The following CNBD1 variants were observed in gnomAD, a reference collection of about 807,000 sequenced individuals.
CNBD1 encodes cyclic nucleotide-binding domain-containing protein 1.
Under a neutral mutation model 54.4 loss-of-function variants are expected in CNBD1, and 71 were observed. The observed-to-expected ratio is 1.30, with a 90% CI of 1.08 to 1.59. CNBD1 has a LOEUF of 1.59. Among genes scored for constraint, CNBD1 ranks in the 40% most tolerant of loss-of-function variants. CNBD1 has a pLI of 0.00. For missense variants in CNBD1, 659 were observed against 518.0 expected, an observed-to-expected ratio of 1.27 and a Z score of -2.64; for synonymous variants, 182 against 170.7, an observed-to-expected ratio of 1.07 and a Z score of -0.51.
At chr8:87,350,943 A>C (rs1406512150) in intron 8 of CNBD1, among the ~76,000 whole-genome samples, 1 of 152,170 alleles carries the variant, frequency 6.6e-6, no homozygotes, top group Non-Finnish European at 1.5e-5. Flanking sequence ...TCTTGGCCTT[A>C]GAGTGACTTT....
chr8:87,323,799 TCTC>T (rs770539175), intron 8 of CNBD1, among the ~76,000 whole-genome samples: 26,220 of 119,964 alleles, frequency 0.22, 6,797 homozygotes, highest in Non-Finnish European at 0.3. Flanking sequence ...TTTATTTCCT[TCTC>T]CTGCCTGATT....
intron 4 of CNBD1, among the ~76,000 whole-genome samples, chr8:87,026,364 TCTCC>T (rs376248979): frequency 1.4e-5 from 2 of 146,388 alleles, no homozygotes; most frequent in Non-Finnish European, 3.0e-5. Flanking sequence ...TCCCTCCCTC[TCTCC>T]CTCCCTCCCT....
intron 4 of CNBD1, among the ~76,000 whole-genome samples, chr8:87,106,987 C>T (rs1007045550): frequency 6.6e-6 from 1 of 152,008 alleles, no homozygotes; most frequent in African/African-American, 2.4e-5. Flanking sequence ...CACCACCGTG[C>T]CCGGCTAATT....
chr8:87,127,998 T>C (rs561850363), intron 4 of CNBD1, among the ~76,000 whole-genome samples: 1 of 152,206 alleles, frequency 6.6e-6, no homozygotes, highest in Admixed American at 6.5e-5. Flanking sequence ...AGCAGAAGAA[T>C]AGCAGAATGG....
At chr8:87,111,117 T>G (rs1415306796) in intron 4 of CNBD1, among the ~76,000 whole-genome samples, 1 of 152,218 alleles carries the variant, frequency 6.6e-6, no homozygotes, top group Admixed American at 6.5e-5. Flanking sequence ...AACCCTAGGA[T>G]GTTATATTTT....
chr8:87,094,388 AT>A, intron 4 of CNBD1, among the ~76,000 whole-genome samples: 1 of 147,224 alleles, frequency 6.8e-6, no homozygotes, highest in East Asian at 2.0e-4. Flanking sequence ...AAATTTTTTT[AT>A]TTTTGTATTA....
At chr8:87,211,068 C>T (rs1814087819) in intron 5 of CNBD1, among the ~76,000 whole-genome samples, 1 of 152,126 alleles carries the variant, frequency 6.6e-6, no homozygotes, top group Non-Finnish European at 1.5e-5. Context: ...ACCACTTGTA[C>T]CAGTGTGCTC....
At chr8:86,896,373 A>T (rs1808848424) in intron 2 of CNBD1, among the ~76,000 whole-genome samples, 2 of 152,172 alleles carry the variant, frequency 1.3e-5, no homozygotes, top group African/African-American at 4.8e-5. Flanking sequence ...TTGAATCTGT[A>T]TATTGGTTTG....
chr8:87,378,811 G>C (rs550448556), intron 10 of CNBD1, among the ~76,000 whole-genome samples: 2 of 150,722 alleles, frequency 1.3e-5, no homozygotes, highest in Non-Finnish European at 2.9e-5. Context: ...CCATTTGTTT[G>C]TATCCGCTTT....
intron 3 of CNBD1, among the ~76,000 whole-genome samples, chr8:86,930,713 T>C (rs1809442767): frequency 6.6e-6 from 1 of 152,118 alleles, no homozygotes; most frequent in Non-Finnish European, 1.5e-5. Flanking sequence ...CATTGATGAG[T>C]CTAAGATTTT....
intron 4 of CNBD1, among the ~76,000 whole-genome samples, chr8:87,198,117 A>G (rs1168466833): frequency 1.3e-5 from 2 of 152,370 alleles, no homozygotes; most frequent in African/African-American, 2.4e-5. Context: ...TTATTCAACA[A>G]AAGTAGCAGA....
At chr8:86,943,841 A>T (rs1484615987) in intron 4 of CNBD1, among the ~76,000 whole-genome samples, 1 of 152,126 alleles carries the variant, frequency 6.6e-6, no homozygotes, top group Non-Finnish European at 1.5e-5. Context: ...AGATGGAAGA[A>T]TATCAGGTAG....
At chr8:87,196,364 G>A (rs1459849133) in intron 4 of CNBD1, among the ~76,000 whole-genome samples, 4 of 152,176 alleles carry the variant, frequency 2.6e-5, no homozygotes, top group Admixed American at 2.6e-4. Context: ...AGAAAGATTA[G>A]ATAAGTTGCA....
intron 10 of CNBD1, among the ~76,000 whole-genome samples, chr8:87,373,225 T>C (rs1254478158): frequency 6.6e-6 from 1 of 151,806 alleles, no homozygotes; most frequent in Non-Finnish European, 1.5e-5. Flanking sequence ...AAATGATGAT[T>C]AATGACCAAT....
intron 4 of CNBD1, among the ~76,000 whole-genome samples, chr8:86,944,272 T>A (rs1205591175): frequency 6.6e-6 from 1 of 152,210 alleles, no homozygotes; most frequent in Non-Finnish European, 1.5e-5. Context: ...AACATACACT[T>A]TTGAACTCCT....
chr8:86,990,332 C>A (rs1046259486), intron 4 of CNBD1, among the ~76,000 whole-genome samples: 1 of 152,088 alleles, frequency 6.6e-6, no homozygotes, highest in African/African-American at 2.4e-5. Flanking sequence ...GGTTTATGTT[C>A]TTAGATTTAA....
At chr8:87,319,600 A>C (rs1196701488) in intron 8 of CNBD1, among the ~76,000 whole-genome samples, 1 of 152,136 alleles carries the variant, frequency 6.6e-6, no homozygotes, top group African/African-American at 2.4e-5. Flanking sequence ...GAACAAAACT[A>C]TTACTAGAAT....
intron 4 of CNBD1, among the ~76,000 whole-genome samples, chr8:87,142,664 T>C (rs1812393855): frequency 6.6e-6 from 1 of 152,182 alleles, no homozygotes; most frequent in Admixed American, 6.5e-5. Flanking sequence ...CCTACATTCA[T>C]AATTATACAG....
At chr8:87,039,009 A>G (rs1229760042) in intron 4 of CNBD1, among the ~76,000 whole-genome samples, 4 of 152,314 alleles carry the variant, frequency 2.6e-5, no homozygotes, top group Non-Finnish European at 5.9e-5. Context: ...GGCTGTTAGC[A>G]GAACTCAGAA....
Sources: allele counts gnomAD v4.1 joint callset (sites outside exome capture counted in the v4.1 genomes callset), GRCh38; gene constraint gnomAD v4.1.1; transcripts MANE v1.5; gene names NCBI Gene and HGNC (gene_info 2026-07-23, HGNC 2026-07-21).